TTC7B: variants seen among roughly 807,000 people sequenced by gnomAD.
TTC7B encodes tetratricopeptide repeat domain 7B.
In TTC7B, 28 loss-of-function variants were observed where a neutral mutation model predicts 106.8. That is an observed-to-expected ratio of 0.26 (90% confidence interval 0.19 to 0.36). The LOEUF (loss-of-function observed/expected upper bound fraction) is 0.36, where lower values mean the gene tolerates loss of function less well. TTC7B is among the 10% of genes least tolerant of loss of function. The probability of loss-of-function intolerance (pLI) is 1.00; values close to 1 mark genes in which losing one functional copy is unlikely to be tolerated. For synonymous variants in TTC7B, 405 were observed against 430.6 expected, an observed-to-expected ratio of 0.94 and a Z score of 0.74; for missense variants, 862 against 1,076.4, an observed-to-expected ratio of 0.80 and a Z score of 2.79.
intron 4 of TTC7B, among the ~76,000 whole-genome samples, chr14:90,733,389 G>GAAGTCCAAAACA (rs1889399749): frequency 6.6e-6 from 1 of 152,180 alleles, no homozygotes; most frequent in Non-Finnish European, 1.5e-5. Flanking sequence ...GTGTCTGCTT[G>GAAGTCCAAAACA]CAGAGCAAAG....
chr14:90,629,177 C>A (rs1387021906), intron 15 of TTC7B, among the ~76,000 whole-genome samples: 4 of 152,208 alleles, frequency 2.6e-5, no homozygotes, highest in African/African-American at 9.6e-5. Context: ...GCTCAGGATC[C>A]CCACAAGAAT....
At chr14:90,758,274 G>T (rs1261373935) in intron 3 of TTC7B, among the ~76,000 whole-genome samples, 1 of 149,674 alleles carries the variant, frequency 6.7e-6, no homozygotes, top group Non-Finnish European at 1.5e-5. Flanking sequence ...AACCAGTCCT[G>T]CAGTCCTGCG....
rs1326706479 is a variant in TTC7B, at chr14:90,816,254, G to T, written c.42C>A (p.Ile14=). The T allele has an allele frequency of 8.0e-7, 1 of 1,251,992 alleles. No homozygotes were observed. The highest frequency in any genetic ancestry group is 1.3e-5 in the South Asian group (1 of 76,482). 77.6% of individuals were successfully genotyped at this position (1,251,992 alleles called of 1,614,324 possible). A position where few individuals can be genotyped will look rare whatever the true frequency, so the allele number is the denominator to read the frequency against. ...ACTGGCACTCGGAGCGGCAGCGCTC[G>T]ATCTCCGTCTCCAGCCGCGAGCCTG... ...KKAGSRLETE[I]ERCRSECQWE... is the part of the protein sequence containing the mutation. Residue 14 remains isoleucine (I), a synonymous_variant, in exon 1 of 20, where the codon ATC becomes ATA. Coordinates refer to ENST00000328459, the MANE Select transcript of TTC7B (RefSeq NM_001010854.2).
intron 3 of TTC7B, among the ~76,000 whole-genome samples, chr14:90,747,609 T>C (rs945118510): frequency 2.0e-5 from 3 of 152,202 alleles, no homozygotes; most frequent in Non-Finnish European, 4.4e-5. Flanking sequence ...TGTTGTTGGG[T>C]GGAATGTCAT....
In TTC7B at chr14:90,764,245, T is replaced by G. The variant is rs147254006; in HGVS notation, c.445+16493A>C. Among the ~76,000 whole-genome samples, 389 of 152,238 alleles carry G rather than the reference T, an allele frequency of 2.6e-3. 3 individuals are homozygous for G. Among genetic ancestry groups the G allele is most frequent in the Admixed American group, 3.7e-3 (57 of 15,288 alleles). On this transcript the variant is annotated intron_variant, in intron 3 of 19. Transcript: ENST00000328459. ...TTTCAAAAAATTGGGCTGAAACAACTGAAGATCCACATACAAAAAGAATGA... is the reference window on the plus strand; with the variant it reads ...TTTCAAAAAATTGGGCTGAAACAACGGAAGATCCACATACAAAAAGAATGA...
intron 3 of TTC7B, among the ~76,000 whole-genome samples, chr14:90,769,688 G>A (rs1890798671): frequency 6.6e-6 from 1 of 151,230 alleles, no homozygotes; most frequent in Non-Finnish European, 1.5e-5. Flanking sequence ...AGGATCACTT[G>A]AACTCAGGAG....
intron 7 of TTC7B, among the ~76,000 whole-genome samples, chr14:90,682,962 G>A (rs1044600024): frequency 6.6e-6 from 1 of 152,222 alleles, no homozygotes; most frequent in Non-Finnish European, 1.5e-5. Flanking sequence ...GAACAAGGGT[G>A]AGAATTCTCA....
At chr14:90,793,237 T>C (rs1300048426) in intron 1 of TTC7B, among the ~76,000 whole-genome samples, 1 of 152,130 alleles carries the variant, frequency 6.6e-6, no homozygotes, top group African/African-American at 2.4e-5. Flanking sequence ...TTAAACCTCT[T>C]TCCTGGCCAG....
chr14:90,775,869 C>G (rs763044173), intron 3 of TTC7B, among the ~76,000 whole-genome samples: 4 of 152,020 alleles, frequency 2.6e-5, no homozygotes, highest in Admixed American at 2.6e-4. Context: ...AAGTTAATTC[C>G]CCTGCTGTTT....
At chr14:90,632,349 T>A (rs1884736929) in intron 15 of TTC7B, among the ~76,000 whole-genome samples, 1 of 152,220 alleles carries the variant, frequency 6.6e-6, no homozygotes, top group Non-Finnish European at 1.5e-5. Flanking sequence ...ATCAAAACAT[T>A]ATTCAATATG....
chr14:90,786,999 T>A (rs552807956), intron 1 of TTC7B, among the ~76,000 whole-genome samples: 4 of 152,196 alleles, frequency 2.6e-5, no homozygotes, highest in Non-Finnish European at 5.9e-5. Flanking sequence ...GTGTTACGTA[T>A]TTTCAAGAGT....
At chr14:90,674,935 C>G (rs990487969) in intron 9 of TTC7B, among the ~76,000 whole-genome samples, 1 of 152,172 alleles carries the variant, frequency 6.6e-6, no homozygotes, top group Admixed American at 6.5e-5. Flanking sequence ...GTGACCACCA[C>G]GAGGTGGGAG....
At chr14:90,605,473 G>A in intron 17 of TTC7B, 1 of 889,084 alleles carries the variant, frequency 1.1e-6, no homozygotes, top group Non-Finnish European at 1.4e-6. Flanking sequence ...ATTTTCAAAT[G>A]AGCAAGATTT....
intron 2 of TTC7B, among the ~76,000 whole-genome samples, chr14:90,783,222 A>G (rs1436723432): frequency 6.6e-6 from 1 of 152,240 alleles, no homozygotes; most frequent in African/African-American, 2.4e-5. Context: ...CTCCTAGTCC[A>G]GGACTCTTTC....
chr14:90,550,812 AGATGGAGG>A (rs1890044393), intron 19 of TTC7B, among the ~76,000 whole-genome samples: 1 of 152,148 alleles, frequency 6.6e-6, no homozygotes, highest in Non-Finnish European at 1.5e-5. Flanking sequence ...CTTGCTGGAT[AGATGGAGG>A]GATGGAGGAG....
chr14:90,688,606 A>T (rs1887339378), intron 7 of TTC7B, among the ~76,000 whole-genome samples: 1 of 130,084 alleles, frequency 7.7e-6, no homozygotes. Flanking sequence ...CTGGTGACAG[A>T]GAGAGGCTCT....
chr14:90,721,051 G>A (rs1159155695), intron 5 of TTC7B, among the ~76,000 whole-genome samples: 1 of 152,014 alleles, frequency 6.6e-6, no homozygotes, highest in Non-Finnish European at 1.5e-5. Context: ...CAGTTTCTTG[G>A]TGGTGATTAA....
chr14:90,761,302 T>C (rs1171097849), intron 3 of TTC7B, among the ~76,000 whole-genome samples: 2 of 152,218 alleles, frequency 1.3e-5, no homozygotes, highest in African/African-American at 4.8e-5. Flanking sequence ...ATAACATCAC[T>C]ACTGTAGAAC....
intron 3 of TTC7B, among the ~76,000 whole-genome samples, chr14:90,771,242 AGAGTAT>A (rs1370267753): frequency 5.3e-5 from 8 of 152,320 alleles, no homozygotes; most frequent in African/African-American, 1.9e-4. Context: ...GAAAAGCTAT[AGAGTAT>A]ATTTATAATA....
Sources: allele counts gnomAD v4.1 joint callset (sites outside exome capture counted in the v4.1 genomes callset), GRCh38; gene constraint gnomAD v4.1.1; transcripts MANE v1.5; gene names NCBI Gene and HGNC (gene_info 2026-07-23, HGNC 2026-07-21).